Variants in TMEM132C observed in about 807,000 individuals in gnomAD.
TMEM132C encodes the protein transmembrane protein 132C, also known as protein phosphatase 1, regulatory subunit 152.
A neutral mutation model predicts 61.4 loss-of-function variants in TMEM132C; 29 were observed. The observed-to-expected ratio is 0.47, with a 90% confidence interval of 0.35 to 0.64. The LOEUF (loss-of-function observed/expected upper bound fraction) is 0.64, where lower values mean the gene tolerates loss of function less well. Ranked by LOEUF, TMEM132C falls within the 30% of genes least tolerant of loss-of-function variation. The probability of loss-of-function intolerance (pLI) is 0.00; values close to 1 mark genes in which losing one functional copy is unlikely to be tolerated. For missense variants in TMEM132C, 1,408 were observed against 1,476.9 expected, an observed-to-expected ratio of 0.95 and a Z score of 0.76; for synonymous variants, 656 against 633.1, an observed-to-expected ratio of 1.04 and a Z score of -0.54.
At chr12:128,433,853 A>G (rs1397794165) in intron 2 of TMEM132C, among the ~76,000 whole-genome samples, 2 of 152,262 alleles carry the variant, frequency 1.3e-5, no homozygotes, top group South Asian at 2.1e-4. Flanking sequence ...CAAAAGGGCC[A>G]TAGCCCCCAC....
At chr12:128,697,080 A>G (rs902058) in intron 7 of TMEM132C, 144 bp from the exon 8 acceptor site, 595,274 of 612,788 alleles carry the variant, frequency 0.97, 289,663 homozygotes, top group East Asian at 1. Context: ...ATGGGCCAGC[A>G]TATAGAGTGA....
At chr12:128,329,422 A>G (rs1872614058) in intron 1 of TMEM132C, among the ~76,000 whole-genome samples, 2 of 152,298 alleles carry the variant, frequency 1.3e-5, no homozygotes, top group South Asian at 4.1e-4. Flanking sequence ...CCATTTGTAC[A>G]AGGCTGAAGG....
chr12:128,554,279 C>T (rs967859906), intron 3 of TMEM132C, among the ~76,000 whole-genome samples: 8 of 152,110 alleles, frequency 5.3e-5, no homozygotes, highest in Admixed American at 6.6e-5. Flanking sequence ...GGTAAGGAAG[C>T]GGGTGGAATG....
intron 1 of TMEM132C, among the ~76,000 whole-genome samples, chr12:128,282,773 G>A (rs10847593): frequency 0.28 from 41,884 of 152,152 alleles, 6,700 homozygotes; most frequent in Middle Eastern, 0.37. Flanking sequence ...CACTGCGGAA[G>A]CTTACCAGGC....
In TMEM132C at chr12:128,315,960, C is replaced by T. The variant is rs542937012; in HGVS notation, c.85+48473C>T. ...AGAGCGAGTGTGGACCTGCCGACAC[C>T]GTGATTTCAGCCTTTGGCCCCCAGA... On this transcript the variant is annotated intron_variant, in intron 1 of 8. Transcript: ENST00000435159. Among the ~76,000 whole-genome samples the T allele has an allele frequency of 1.3e-4, 19 of 151,916 alleles. No individual in the cohort carries two copies. In the South Asian group the frequency reaches 2.7e-3, roughly 22 times the overall value.
intron 4 of TMEM132C, among the ~76,000 whole-genome samples, chr12:128,657,825 C>G (rs1403812876): frequency 6.6e-6 from 1 of 152,242 alleles, no homozygotes; most frequent in East Asian, 1.9e-4. Context: ...AATAGTGTCA[C>G]AGTTTGTGGG....
intron 3 of TMEM132C, among the ~76,000 whole-genome samples, chr12:128,564,712 C>G (rs1874638950): frequency 6.6e-6 from 1 of 152,200 alleles, no homozygotes; most frequent in Non-Finnish European, 1.5e-5. Context: ...GTTTCCTTAT[C>G]TCTAAAAGGG....
intron 3 of TMEM132C, among the ~76,000 whole-genome samples, chr12:128,564,133 A>G (rs1297189962): frequency 1.3e-5 from 2 of 152,242 alleles, no homozygotes; most frequent in African/African-American, 4.8e-5. Flanking sequence ...CAGAGAGAGC[A>G]TTCCGGGCTC....
rs938230254 is a variant in TMEM132C, at chr12:128,544,151, C to A, written c.1121+48C>A. Reference sequence around the variant, plus strand: ...GCGTGTGTGGTTCCTGGTCCCGGGCCCAGGCCGGCTGGTGCGTAAGAGCCT... The same window carrying A: ...GCGTGTGTGGTTCCTGGTCCCGGGCACAGGCCGGCTGGTGCGTAAGAGCCT... On this transcript the variant is annotated intron_variant, in intron 3 of 8. Transcript: ENST00000435159. 52 of 1,458,868 alleles carry A rather than the reference C, an allele frequency of 3.6e-5. No individual in the cohort carries two copies. In the Admixed American group the frequency reaches 1.4e-3, roughly 38 times the overall value. 90.4% of individuals were successfully genotyped at this position (1,458,868 alleles called of 1,614,324 possible).
chr12:128,306,888 G>A (rs181939873), intron 1 of TMEM132C, among the ~76,000 whole-genome samples: 20 of 152,320 alleles, frequency 1.3e-4, no homozygotes, highest in African/African-American at 4.8e-4. Context: ...TGTTAGCATG[G>A]TTAGCCACTG....
intron 4 of TMEM132C, among the ~76,000 whole-genome samples, chr12:128,635,716 G>A (rs1305886702): frequency 6.6e-6 from 1 of 152,110 alleles, no homozygotes; most frequent in Admixed American, 6.5e-5. Context: ...CATTGTAAGA[G>A]CCATGGGCAA....
chr12:128,387,432 C>T lies in TMEM132C; in HGVS notation c.86-27300C>T, dbSNP rs148274625. ...GGGAACCGCACACCCAGTGCTTTGCCCTGCAAGGCTTTGAGTAACTGAGTT... is the reference window on the plus strand; with the variant it reads ...GGGAACCGCACACCCAGTGCTTTGCTCTGCAAGGCTTTGAGTAACTGAGTT... On this transcript the variant is annotated intron_variant, in intron 1 of 8. Transcript: ENST00000435159. Among the ~76,000 whole-genome samples, 5 of 152,312 alleles carry T rather than the reference C, an allele frequency of 3.3e-5. No homozygotes were observed. The East Asian group carries it at 9.7e-4, about 29-fold the overall frequency.
chr12:128,609,723 G>T (rs777438217), intron 3 of TMEM132C, among the ~76,000 whole-genome samples: 1 of 152,326 alleles, frequency 6.6e-6, no homozygotes, highest in South Asian at 2.1e-4. Flanking sequence ...TAAAAGGCCA[G>T]ATTCTTTCTC....
intron 3 of TMEM132C, among the ~76,000 whole-genome samples, chr12:128,546,779 C>A (rs953302242): frequency 6.6e-6 from 1 of 152,186 alleles, no homozygotes; most frequent in Non-Finnish European, 1.5e-5. Context: ...GTTGGACCCA[C>A]CTGGGTAATC....
At chr12:128,516,855 A>G (rs1872735261) in intron 2 of TMEM132C, among the ~76,000 whole-genome samples, 1 of 151,940 alleles carries the variant, frequency 6.6e-6, no homozygotes, top group East Asian at 1.9e-4. Context: ...TCAAGGTTAC[A>G]ATGAGCTATG....
chr12:128,500,561 G>A (rs1210567767), intron 2 of TMEM132C, among the ~76,000 whole-genome samples: 1 of 151,946 alleles, frequency 6.6e-6, no homozygotes, highest in African/African-American at 2.4e-5. Flanking sequence ...TCCAAAGAAG[G>A]TACACAAATG....
At chr12:128,324,083 A>G (rs1872427708) in intron 1 of TMEM132C, among the ~76,000 whole-genome samples, 1 of 152,172 alleles carries the variant, frequency 6.6e-6, no homozygotes, top group Non-Finnish European at 1.5e-5. Flanking sequence ...TAATTTGTGG[A>G]CGTGTGATCT....
chr12:128,627,751 C>G (rs560697303), intron 4 of TMEM132C, among the ~76,000 whole-genome samples: 268 of 152,330 alleles, frequency 1.8e-3, no homozygotes, highest in African/African-American at 5.5e-3. Flanking sequence ...TGCCTCCCCC[C>G]GCCCTGCAGC....
At chr12:128,454,431 T>C (rs1734581255) in intron 2 of TMEM132C, among the ~76,000 whole-genome samples, 1 of 152,208 alleles carries the variant, frequency 6.6e-6, no homozygotes, top group Admixed American at 6.5e-5. Context: ...CACCCCCAGC[T>C]CCAGAAGTTG....
Sources: gnomAD v4.1 joint callset for allele counts (sites outside exome capture counted in the v4.1 genomes callset) on GRCh38, gnomAD v4.1.1 for gene constraint, MANE v1.5 for transcripts, NCBI Gene and HGNC (gene_info 2026-07-23, HGNC 2026-07-21) for gene names.